PCDH15: variants seen among roughly 807,000 people sequenced by gnomAD.
PCDH15 encodes the protein protocadherin-15.
Under a neutral mutation model 178.5 loss-of-function variants are expected in PCDH15, and 129 were observed. The ratio of observed to expected loss-of-function variants is 0.72; its 90% confidence interval spans 0.63 to 0.84. The LOEUF (loss-of-function observed/expected upper bound fraction) is 0.84, where lower values mean the gene tolerates loss of function less well. Ranked by LOEUF, PCDH15 falls within the 40% of genes least tolerant of loss-of-function variation. The pLI, the probability that PCDH15 is intolerant of heterozygous loss-of-function variation, is 0.00. For synonymous variants in PCDH15, 800 were observed against 732.0 expected, an observed-to-expected ratio of 1.09 and a Z score of -1.50; for missense variants, 2,230 against 2,099.9, an observed-to-expected ratio of 1.06 and a Z score of -1.21.
At chr10:54,533,452 A>G (rs2084138419) in intron 2 of PCDH15, among the ~76,000 whole-genome samples, 1 of 152,176 alleles carries the variant, frequency 6.6e-6, no homozygotes, top group Non-Finnish European at 1.5e-5. Context: ...GAAAGATTAG[A>G]GAGAGCTCAC....
intron 1 of PCDH15, among the ~76,000 whole-genome samples, chr10:55,270,639 AC>A (rs199879739): frequency 0.1 from 15,456 of 152,074 alleles, 1,154 homozygotes; most frequent in East Asian, 0.36. Flanking sequence ...AAATAAAAAA[AC>A]AACAGATGCT....
intron 10 of PCDH15, among the ~76,000 whole-genome samples, chr10:54,205,767 G>A (rs571422078): frequency 2.4e-3 from 361 of 152,008 alleles, no homozygotes; most frequent in Non-Finnish European, 4.1e-3. Flanking sequence ...ATTAAAGGAT[G>A]CATATACAGT....
At chr10:54,978,835 T>C (rs1839144424) in intron 2 of PCDH15, among the ~76,000 whole-genome samples, 1 of 152,136 alleles carries the variant, frequency 6.6e-6, no homozygotes, top group Non-Finnish European at 1.5e-5. Flanking sequence ...ATTTACTAAT[T>C]CTTCTACATT....
intron 26 of PCDH15, among the ~76,000 whole-genome samples, chr10:53,899,799 C>T (rs895005891): frequency 1.3e-5 from 2 of 152,150 alleles, no homozygotes; most frequent in Non-Finnish European, 2.9e-5. Context: ...AACTGCTTAA[C>T]TCATGCTCTG....
chr10:53,992,379 T>G (rs990703683), intron 21 of PCDH15, among the ~76,000 whole-genome samples: 6 of 152,174 alleles, frequency 3.9e-5, no homozygotes, highest in Non-Finnish European at 8.8e-5. Context: ...CCCACCAGTT[T>G]CGGAGACAAT....
At chr10:54,927,704 T>C (rs898981454) in intron 2 of PCDH15, among the ~76,000 whole-genome samples, 7 of 152,082 alleles carry the variant, frequency 4.6e-5, no homozygotes, top group African/African-American at 1.7e-4. Flanking sequence ...TTTTTTGTCT[T>C]ATTTGATTTT....
chr10:54,216,513 C>T lies in PCDH15; in HGVS notation c.986-2465G>A, dbSNP rs142902368. Among the ~76,000 whole-genome samples the T allele has an allele frequency of 3.5e-3, 540 of 152,164 alleles. 4 individuals are homozygous for T. The highest frequency in any genetic ancestry group is 0.012 in the African/African-American group (482 of 41,536). On this transcript the variant is annotated intron_variant, in intron 9 of 37. Coordinates refer to ENST00000644397, the MANE Select transcript of PCDH15 (RefSeq NM_001384140.1). ...AAAACTGTTCACAGAAAGAGAAAGG[C>T]AAATGACTCTAGATCATAAGCAAAG...
intron 2 of PCDH15, among the ~76,000 whole-genome samples, chr10:54,909,153 T>C (rs138924363): frequency 4.1e-4 from 62 of 152,268 alleles, no homozygotes; most frequent in Admixed American, 4.6e-4. Flanking sequence ...TGTGCTGTCA[T>C]GGGTGGGCCC....
chr10:54,285,638 G>A (rs1200352060), intron 8 of PCDH15, among the ~76,000 whole-genome samples: 1 of 152,096 alleles, frequency 6.6e-6, no homozygotes, highest in Non-Finnish European at 1.5e-5. Flanking sequence ...AATTAGTACA[G>A]TGTTTATGAA....
chr10:55,502,413 G>C (rs1245310363), intron 2 of PCDH15, among the ~76,000 whole-genome samples: 1 of 151,532 alleles, frequency 6.6e-6, no homozygotes. Flanking sequence ...TCAATTTTCT[G>C]AATTAATGAA....
At chr10:55,082,060 G>A (rs10825459) in intron 2 of PCDH15, among the ~76,000 whole-genome samples, 32,996 of 151,962 alleles carry the variant, frequency 0.22, 3,938 homozygotes, top group African/African-American at 0.3. Flanking sequence ...ATTAATCTGC[G>A]CTATAGACCA....
At chr10:55,485,468 CTTAG>C (rs1347542930) in intron 2 of PCDH15, among the ~76,000 whole-genome samples, 1 of 151,544 alleles carries the variant, frequency 6.6e-6, no homozygotes, top group Non-Finnish European at 1.5e-5. Flanking sequence ...ATTATTTCAC[CTTAG>C]TTAGAATAAC....
chr10:54,644,344 A>C (rs2094071387), intron 2 of PCDH15, among the ~76,000 whole-genome samples: 1 of 149,984 alleles, frequency 6.7e-6, no homozygotes, highest in Admixed American at 6.6e-5. Flanking sequence ...GGTTCCAGTT[A>C]TTTTCAAAGC....
chr10:54,610,720 A>G (rs1398550683), intron 2 of PCDH15, among the ~76,000 whole-genome samples: 1 of 151,834 alleles, frequency 6.6e-6, no homozygotes, highest in Non-Finnish European at 1.5e-5. Flanking sequence ...AAAAATAATA[A>G]TAAAAGGAGA....
chr10:54,731,563 T>TATATATATATATATACACACAC, intron 1 of PCDH15, among the ~76,000 whole-genome samples: 11 of 49,928 alleles, frequency 2.2e-4, no homozygotes, highest in Admixed American at 6.2e-4. Flanking sequence ...TATATATATA[T>TATATATATATATATACACACAC]ACACACACAC....
intron 2 of PCDH15, among the ~76,000 whole-genome samples, chr10:55,367,605 A>G (rs1277627973): frequency 6.6e-6 from 1 of 152,044 alleles, no homozygotes; most frequent in Non-Finnish European, 1.5e-5. Flanking sequence ...AAACAAAACA[A>G]ACAAAAGACA....
rs187355559 is a variant in PCDH15 at position 55,123,263 on chromosome 10, A to G, written c.-80+43313T>C. On this transcript the variant is annotated intron_variant, in intron 2 of 5. Transcript: ENST00000458638. ...AAAGTTTTAAAATTATGGAGTACAA[A>G]CTAATAAAATAATAATTTACATACA... 3.3e-5 allele frequency among the ~76,000 whole-genome samples: 5 copies of G among 152,194 alleles called. No homozygotes were observed. In the East Asian group the frequency reaches 9.6e-4, roughly 29 times the overall value.
intron 2 of PCDH15, among the ~76,000 whole-genome samples, chr10:55,548,311 T>C (rs1481091285): frequency 6.6e-6 from 1 of 151,696 alleles, no homozygotes. Flanking sequence ...AGTGGTTTGT[T>C]ACACGCCAAT....
intron 2 of PCDH15, among the ~76,000 whole-genome samples, chr10:55,146,363 T>C (rs1412408369): frequency 6.6e-6 from 1 of 151,964 alleles, no homozygotes; most frequent in Non-Finnish European, 1.5e-5. Context: ...CCATGATTCA[T>C]ATGTGATACT....
Sources: allele counts gnomAD v4.1 joint callset (sites outside exome capture counted in the v4.1 genomes callset), GRCh38; gene constraint gnomAD v4.1.1; transcripts MANE v1.5; gene names NCBI Gene and HGNC (gene_info 2026-07-23, HGNC 2026-07-21).